MICU1: variants seen among roughly 807,000 people sequenced by gnomAD.
MICU1 encodes mitochondrial calcium uptake 1.
In MICU1, 45 loss-of-function variants were observed where a neutral mutation model predicts 56.8. The ratio of observed to expected loss-of-function variants is 0.79; its 90% CI spans 0.62 to 1.02. The LOEUF (loss-of-function observed/expected upper bound fraction) is 1.02, where lower values mean the gene tolerates loss of function less well. MICU1 is among the 50% of genes least tolerant of loss of function. The pLI is 0.00. For synonymous variants in MICU1, 186 were observed against 195.1 expected (o/e 0.95, Z 0.39); for missense variants, 504 against 587.1 (o/e 0.86, Z 1.46).
At chr10:72,542,312 A>C (rs1307734330) in intron 4 of MICU1, among the ~76,000 whole-genome samples, 1 of 152,206 alleles carries the variant, frequency 6.6e-6, no homozygotes, top group African/African-American at 2.4e-5. Context: ...GCCATACAGA[A>C]ATAGGCAGTT....
intron 11 of MICU1, among the ~76,000 whole-genome samples, chr10:72,372,714 C>T (rs1472139443): frequency 6.6e-6 from 1 of 151,566 alleles, no homozygotes; most frequent in Non-Finnish European, 1.5e-5. Flanking sequence ...TGATGGTGGG[C>T]GCCTGTGATC....
At chr10:72,544,163 C>T (rs936444565) in intron 4 of MICU1, among the ~76,000 whole-genome samples, 3 of 152,166 alleles carry the variant, frequency 2.0e-5, no homozygotes, top group Non-Finnish European at 4.4e-5. Flanking sequence ...AGCCCCCAGT[C>T]ACGTACCCGC....
At position 72,526,996 on chromosome 10, in the gene MICU1, A is replaced by C. The variant is rs563439269; in HGVS notation, c.537+6750T>G. Among the ~76,000 whole-genome samples the C allele has an allele frequency of 2.0e-4, 30 of 152,206 alleles. No individual in the cohort carries two copies. The South Asian group carries it at 5.4e-3, about 27-fold the overall frequency. ...GTCAAGTGGTACTCATGGTATATGAAACAATAATGGAGCCAGTAACAGTAA... is the reference window on the plus strand; with the variant it reads ...GTCAAGTGGTACTCATGGTATATGACACAATAATGGAGCCAGTAACAGTAA... On this transcript the variant is annotated intron_variant, in intron 5 of 11. Coordinates refer to ENST00000361114, the MANE Select transcript of MICU1 (RefSeq NM_001195518.2).
intron 6 of MICU1, among the ~76,000 whole-genome samples, chr10:72,498,529 T>C (rs761454545): frequency 1.3e-5 from 2 of 152,048 alleles, no homozygotes; most frequent in South Asian, 4.1e-4. Flanking sequence ...GAGGTTGCAG[T>C]GACTTGAGAT....
At chr10:72,512,514 C>T (rs142906127) in intron 5 of MICU1, among the ~76,000 whole-genome samples, 15 of 152,244 alleles carry the variant, frequency 9.9e-5, no homozygotes, top group African/African-American at 2.9e-4. Flanking sequence ...CCAAACCCCA[C>T]TGTATGTATA....
At chr10:72,371,226 A>G (rs1862323326) in intron 11 of MICU1, among the ~76,000 whole-genome samples, 1 of 150,706 alleles carries the variant, frequency 6.6e-6, no homozygotes, top group African/African-American at 2.4e-5. Context: ...TCTACTAAAA[A>G]TACAAAAAAA....
chr10:72,463,788 G>A (rs548971405), intron 8 of MICU1, among the ~76,000 whole-genome samples: 3 of 152,202 alleles, frequency 2.0e-5, no homozygotes, highest in South Asian at 4.2e-4. Context: ...CTGCAGTAAG[G>A]TACAGCAATG....
chr10:72,527,647 C>A (rs1388580911), intron 5 of MICU1, among the ~76,000 whole-genome samples: 4 of 152,030 alleles, frequency 2.6e-5, no homozygotes, highest in Admixed American at 2.6e-4. Flanking sequence ...CCGTGCCCAG[C>A]CCCTATTTTC....
intron 6 of MICU1, among the ~76,000 whole-genome samples, chr10:72,493,392 T>C (rs1444945787): frequency 6.6e-6 from 1 of 152,246 alleles, no homozygotes; most frequent in Non-Finnish European, 1.5e-5. Context: ...AGCCATTGTT[T>C]GATATTTGAG....
At chr10:72,584,446 T>A (rs1840988787) in intron 1 of MICU1, among the ~76,000 whole-genome samples, 1 of 152,206 alleles carries the variant, frequency 6.6e-6, no homozygotes, top group Non-Finnish European at 1.5e-5. Context: ...ATTAATGTGT[T>A]CAGATCATAA....
At chr10:72,413,503 C>T (rs558635626) in intron 9 of MICU1, among the ~76,000 whole-genome samples, 34 of 152,254 alleles carry the variant, frequency 2.2e-4, no homozygotes, top group African/African-American at 7.9e-4. Flanking sequence ...GACACCAAGG[C>T]GGGTGGATCA....
intron 1 of MICU1, among the ~76,000 whole-genome samples, chr10:72,597,460 G>A (rs1195811103): frequency 6.6e-6 from 1 of 152,140 alleles, no homozygotes; most frequent in Non-Finnish European, 1.5e-5. Context: ...CGGTACTACA[G>A]GCTGAGTATC....
At chr10:72,389,171 G>C (rs74406056) in intron 10 of MICU1, among the ~76,000 whole-genome samples, 1 of 152,322 alleles carries the variant, frequency 6.6e-6, no homozygotes, top group East Asian at 1.9e-4. Flanking sequence ...GTCTGTTAAA[G>C]ACAGTTGTTC....
At chr10:72,581,068 G>T (rs1394053404) in intron 1 of MICU1, among the ~76,000 whole-genome samples, 1 of 152,130 alleles carries the variant, frequency 6.6e-6, no homozygotes, top group Non-Finnish European at 1.5e-5. Context: ...GAGGAGTAGT[G>T]ACATAATTAC....
intron 10 of MICU1, among the ~76,000 whole-genome samples, chr10:72,397,452 T>G (rs955644883): frequency 2.0e-4 from 30 of 152,266 alleles, no homozygotes; most frequent in African/African-American, 7.0e-4. Flanking sequence ...TAAATGTAAA[T>G]GGGCTAAATG....
At position 72,475,114 on chromosome 10, in the gene MICU1, C is replaced by T. The variant is rs767004656; in HGVS notation, c.919G>A (p.Val307Ile). 5.0e-5 allele frequency: 80 copies of T among 1,609,390 alleles called. No individual in the cohort carries two copies. The highest frequency in any genetic ancestry group is 6.5e-5 in the Non-Finnish European group (76 of 1,177,852). Residue 307 changes from valine (V) to isoleucine (I), a missense_variant, in exon 8 of 12, where the codon GTT becomes ATT. By Grantham distance (29) the Val-to-Ile change is conservative. Coordinates refer to ENST00000361114, the MANE Select transcript of MICU1 (RefSeq NM_001195518.2). ...GGAAGACCTACCTCAAGCTTCAGAA[C>T]ATCATGCTGCAGTTTACGCTGAAAT... ...LEFQRKLQHD[V>I]LKLEFERHDP...
At chr10:72,468,990 G>A (rs992868478) in intron 8 of MICU1, among the ~76,000 whole-genome samples, 1 of 152,194 alleles carries the variant, frequency 6.6e-6, no homozygotes, top group African/African-American at 2.4e-5. Flanking sequence ...GTAGACCCGA[G>A]TTGGAATCCT....
intron 4 of MICU1, among the ~76,000 whole-genome samples, chr10:72,543,378 A>G (rs2132428575): frequency 6.6e-6 from 1 of 152,314 alleles, no homozygotes; most frequent in East Asian, 1.9e-4. Context: ...GGCATGGCTC[A>G]CACCTATAAT....
At chr10:72,489,556 A>T (rs183040508) in intron 6 of MICU1, among the ~76,000 whole-genome samples, 2 of 152,262 alleles carry the variant, frequency 1.3e-5, no homozygotes, top group Admixed American at 1.3e-4. Context: ...CTAGAAAGGG[A>T]TATTCTTTGC....
Sources: gnomAD v4.1 joint callset for allele counts (sites outside exome capture counted in the v4.1 genomes callset) on GRCh38, gnomAD v4.1.1 for gene constraint, MANE v1.5 for transcripts, NCBI Gene and HGNC (gene_info 2026-07-23, HGNC 2026-07-21) for gene names.